PLA2G4D: variants seen among roughly 807,000 people sequenced by gnomAD.
PLA2G4D encodes phospholipase A2 group IVD.
A neutral mutation model predicts 94.4 loss-of-function variants in PLA2G4D; 80 were observed. The observed-to-expected ratio is 0.85, with a 90% CI of 0.71 to 1.02. The LOEUF is 1.02. PLA2G4D is among the 50% of genes least tolerant of loss of function. The probability of loss-of-function intolerance (pLI) is 0.00; values close to 1 mark genes in which losing one functional copy is unlikely to be tolerated. For missense variants in PLA2G4D, 1,050 were observed against 1,034.7 expected (o/e 1.01, Z -0.20); for synonymous variants, 438 against 440.9 (o/e 0.99, Z 0.08).
Position 42,071,110 on chromosome 15 carries a change from C to G in PLA2G4D, c.1876+13G>C. 1 of 1,598,286 alleles carries G rather than the reference C, an allele frequency of 6.3e-7. No individual in the cohort carries two copies. Among genetic ancestry groups the G allele is most frequent in the Non-Finnish European group, 8.5e-7 (1 of 1,176,040 alleles). On this transcript the variant is annotated intron_variant, in intron 17 of 19. Transcript: ENST00000290472. ...AACCTTGTGACCTAGGGACCCCTGG[C>G]CACGGCCCTGACCTGCCCAGGTGGA...
At chr15:42,086,060 G>A (rs1890138085) in intron 4 of PLA2G4D, among the ~76,000 whole-genome samples, 153 bp downstream of exon 4, 1 of 152,198 alleles carries the variant, frequency 6.6e-6, no homozygotes, top group Non-Finnish European at 1.5e-5. Flanking sequence ...CCTTTTCCTT[G>A]CTTATTAAAA....
chr15:42,068,187 A>G lies in PLA2G4D; in HGVS notation c.*528T>C, dbSNP rs1889721432. The G allele has an allele frequency of 1.3e-5, 2 of 152,572 alleles. No individual in the cohort carries two copies. The highest frequency in any genetic ancestry group is 4.8e-5 in the African/African-American group (2 of 41,472). 9.5% of individuals were successfully genotyped at this position (152,572 alleles called of 1,614,324 possible). On this transcript the variant is annotated 3_prime_UTR_variant, in exon 20 of 20. Transcript: ENST00000290472. ...AATTAAGAAAGTAACTCCACTTATCAAAAAGAATAAAATATTTAGGAATAA... is the reference window on the plus strand; with the variant it reads ...AATTAAGAAAGTAACTCCACTTATCGAAAAGAATAAAATATTTAGGAATAA...
chr15:42,082,486 A>G, intron 8 of PLA2G4D, 97 bp from the exon 9 acceptor site: 1 of 717,676 alleles, frequency 1.4e-6, no homozygotes, highest in Non-Finnish European at 2.4e-6. Context: ...TCTCCCTGAT[A>G]ATACAGAATA....
In PLA2G4D at chr15:42,079,639, C is replaced by G. The variant is rs1448876130; in HGVS notation, c.1215G>C (p.Leu405=). ...SKLEVFSPER[L]ASYRRELELR... ...GCTCCAGCTCCCGGCGGTAGCTCGC[C>G]AGGCGCTCTGGGGAAAAGACCTCCA... is the stretch of plus-strand genomic sequence containing the variant. Residue 405 remains leucine, a synonymous_variant, in exon 13 of 20, where the codon CTG becomes CTC. Coordinates refer to ENST00000290472, the MANE Select transcript of PLA2G4D (RefSeq NM_178034.4). The G allele has an allele frequency of 6.2e-7, 1 of 1,612,588 alleles. No homozygotes were observed. Among genetic ancestry groups the G allele is most frequent in the Non-Finnish European group, 8.5e-7 (1 of 1,179,422 alleles).
At chr15:42,093,075 C>T (rs1017769023) in intron 1 of PLA2G4D, among the ~76,000 whole-genome samples, 3 of 152,136 alleles carry the variant, frequency 2.0e-5, no homozygotes, top group Admixed American at 6.5e-5. Context: ...GAACAGGTCC[C>T]GGATGGCCAG....
intron 13 of PLA2G4D, among the ~76,000 whole-genome samples, chr15:42,078,542 T>C (rs1210889572): frequency 6.6e-6 from 1 of 152,248 alleles, no homozygotes; most frequent in Non-Finnish European, 1.5e-5. Context: ...TGGTAGTTTC[T>C]AAGCAGTGTT....
intron 1 of PLA2G4D, among the ~76,000 whole-genome samples, chr15:42,093,150 G>A (rs185782945): frequency 1.3e-4 from 20 of 152,326 alleles, no homozygotes; most frequent in Admixed American, 1.1e-3. Flanking sequence ...GCAGAAATGA[G>A]GCTAGGCTAA....
intron 17 of PLA2G4D, 118 bp downstream of exon 17, chr15:42,071,005 A>G: frequency 6.6e-7 from 1 of 1,522,744 alleles, no homozygotes. Context: ...TTCCAAGGGG[A>G]TCGTCTCCAG....
intron 11 of PLA2G4D, 97 bp from the exon 12 acceptor site, chr15:42,081,230 G>T (rs1890030776): frequency 1.3e-6 from 2 of 1,531,382 alleles, no homozygotes; most frequent in African/African-American, 1.4e-5. Context: ...TCCAGGGAAG[G>T]GACCGCATAG....
chr15:42,083,120 G>T, intron 8 of PLA2G4D, 78 bp downstream of exon 8: 1 of 1,542,204 alleles, frequency 6.5e-7, no homozygotes, highest in South Asian at 1.2e-5. Flanking sequence ...TGGTGGGCAG[G>T]GAAGGCAGGG....
Position 42,068,832 on chromosome 15 carries a change from G to A in PLA2G4D, c.2340C>T (p.Arg780=), listed in dbSNP as rs1889740970. The A allele has an allele frequency of 6.2e-7, 1 of 1,614,028 alleles. No individual in the cohort carries two copies. Among genetic ancestry groups the A allele is most frequent in the Non-Finnish European group, 8.5e-7 (1 of 1,179,974 alleles). The change falls in exon 20 of 20, where the codon CGC becomes CGT. Residue 780 remains arginine (R), a synonymous_variant. Transcript: ENST00000290472. ...CGTTGTAGTCACTGAGCCGCAGCAG[G>A]CGCTCGAAGTCTTCCTCCTTGTAGG... is the stretch of plus-strand genomic sequence containing the variant. The part of the protein sequence containing the change: ...NMTYKEEDFE[R]LLRLSDYNVQ...
chr15:42,078,319 C>A (rs1425184456), intron 13 of PLA2G4D, among the ~76,000 whole-genome samples: 1 of 152,192 alleles, frequency 6.6e-6, no homozygotes. Flanking sequence ...ATGTTGTTTG[C>A]CCCTGGGGCA....
At position 42,079,478 on chromosome 15, in the gene PLA2G4D, C is replaced by T. The variant is rs1183615780; in HGVS notation, c.1317+59G>A. On this transcript the variant is annotated intron_variant, in intron 13 of 19. Transcript: ENST00000290472. The stretch of plus-strand genomic sequence containing the variant: ...CACGCGCATGTCAGCCGCTTGGGAG[C>T]CCTGCCTTCGCCCCCGCGGTGCACA... 3 of 1,500,426 alleles carry T rather than the reference C, an allele frequency of 2.0e-6. No individual in the cohort carries two copies. The African/African-American group carries it at 4.2e-5, about 21-fold the overall frequency. The allele number at this position is 1,500,426 out of a possible 1,614,324, so 92.9% of individuals were successfully genotyped here.
chr15:42,083,509 G>A (rs372030572), intron 7 of PLA2G4D, among the ~76,000 whole-genome samples, 175 bp from the exon 8 acceptor site: 13 of 152,144 alleles, frequency 8.5e-5, no homozygotes, highest in East Asian at 1.9e-4. Flanking sequence ...CCCCCATCCC[G>A]GACTCCTGCC....
Position 42,068,536 on chromosome 15 carries a change from C to T in PLA2G4D, c.*179G>A. 1.6e-6 allele frequency: 1 copy of T among 621,984 alleles called. No individual in the cohort carries two copies. The highest frequency in any genetic ancestry group is 2.8e-6 in the Non-Finnish European group (1 of 357,826). 38.5% of individuals were successfully genotyped at this position (621,984 alleles called of 1,614,324 possible). A position where few individuals can be genotyped will look rare whatever the true frequency, so the allele number is the denominator to read the frequency against. On this transcript the variant is annotated 3_prime_UTR_variant, in exon 20 of 20. Transcript: ENST00000290472. ...TTATTTTCAACTCATCTCAAGCCAG[C>T]CATGAACGTAAGAGAGAAGTCTGTG...
At chr15:42,094,361 C>T in intron 1 of PLA2G4D, 54 bp downstream of exon 1, 2 of 1,603,218 alleles carry the variant, frequency 1.2e-6, no homozygotes, top group South Asian at 1.1e-5. Flanking sequence ...CAGAATGCAC[C>T]CTGGCTCCAG....
At chr15:42,074,510 A>C (rs995004314) in intron 13 of PLA2G4D, among the ~76,000 whole-genome samples, 2 of 152,218 alleles carry the variant, frequency 1.3e-5, no homozygotes, top group African/African-American at 4.8e-5. Flanking sequence ...AAAGTTTCGA[A>C]GAGATGAGAG....
At chr15:42,074,138 T>A (rs1404986269) in intron 13 of PLA2G4D, among the ~76,000 whole-genome samples, 1 of 152,194 alleles carries the variant, frequency 6.6e-6, no homozygotes, top group Admixed American at 6.5e-5. Context: ...GTCCTTTTAC[T>A]ATAGTTGCAC....
intron 19 of PLA2G4D, 65 bp downstream of exon 19, chr15:42,069,844 C>CG (rs1816680512): frequency 3.1e-6 from 4 of 1,277,530 alleles, no homozygotes; most frequent in East Asian, 6.3e-5. Flanking sequence ...GCTGGGCAGC[C>CG]GGGGGGCCCA....
Sources: gnomAD v4.1 joint callset for allele counts (sites outside exome capture counted in the v4.1 genomes callset) on GRCh38, gnomAD v4.1.1 for gene constraint, MANE v1.5 for transcripts, NCBI Gene and HGNC (gene_info 2026-07-23, HGNC 2026-07-21) for gene names.